The following HNF4A variants were observed in gnomAD, a reference collection of about 807,000 sequenced individuals.
The protein encoded by HNF4A is hepatocyte nuclear factor 4-alpha.
HNF4A carries 15 observed loss-of-function variants against 52.4 expected under a neutral mutation model. That is an observed-to-expected ratio of 0.29 (90% CI 0.19 to 0.44). The LOEUF (loss-of-function observed/expected upper bound fraction) is 0.44, where lower values mean the gene tolerates loss of function less well. Ranked by LOEUF, HNF4A falls within the 20% of genes least tolerant of loss-of-function variation. The probability of loss-of-function intolerance (pLI) is 1.00; values close to 1 mark genes in which losing one functional copy is unlikely to be tolerated. For synonymous variants in HNF4A, 280 were observed against 264.4 expected, an observed-to-expected ratio of 1.06 and a Z score of -0.57; for missense variants, 479 against 647.2, an observed-to-expected ratio of 0.74 and a Z score of 2.82.
chr20:44,394,478 C>T (rs913549498), intron 1 of HNF4A, among the ~76,000 whole-genome samples: 3 of 152,132 alleles, frequency 2.0e-5, no homozygotes, highest in Admixed American at 6.5e-5. Flanking sequence ...CTGGGAGCCT[C>T]GGAACCCAGC....
At chr20:44,383,758 TGG>T (rs951543061) in intron 1 of HNF4A, among the ~76,000 whole-genome samples, 1 of 152,048 alleles carries the variant, frequency 6.6e-6, no homozygotes, top group African/African-American at 2.4e-5. Context: ...ATCACCATGT[TGG>T]CTAGGGTGGT....
intron 1 of HNF4A, among the ~76,000 whole-genome samples, chr20:44,386,631 G>A (rs901565326): frequency 6.6e-6 from 1 of 152,172 alleles, no homozygotes; most frequent in Non-Finnish European, 1.5e-5. Context: ...AATGTCTGGA[G>A]ATAGTTTTGA....
At chr20:44,402,377 C>T (rs1040426423) in intron 1 of HNF4A, among the ~76,000 whole-genome samples, 1 of 152,090 alleles carries the variant, frequency 6.6e-6, no homozygotes, top group Non-Finnish European at 1.5e-5. Flanking sequence ...CCTGTATGGG[C>T]GTTTTGTCGT....
At chr20:44,379,936 G>A (rs1024430505) in intron 1 of HNF4A, among the ~76,000 whole-genome samples, 1 of 152,146 alleles carries the variant, frequency 6.6e-6, no homozygotes, top group Non-Finnish European at 1.5e-5. Flanking sequence ...GTTTCACCAT[G>A]CTGGCCAGGC....
chr20:44,356,338 G>T (rs1568683541), intron 1 of HNF4A, among the ~76,000 whole-genome samples: 1 of 152,158 alleles, frequency 6.6e-6, no homozygotes, highest in Admixed American at 6.5e-5. Context: ...AAAGCGCCGC[G>T]CAGGGTGGAG....
chr20:44,376,096 AAATTAGCCGGGCATGGT>A (rs1462125856), intron 1 of HNF4A, among the ~76,000 whole-genome samples: 6 of 151,716 alleles, frequency 4.0e-5, no homozygotes, highest in Admixed American at 2.0e-4. Flanking sequence ...AATACAAAAA[AAATTAGCCGGGCATGGT>A]AATTAGCCGG....
chr20:44,428,016 G>C (rs557726223), intron 8 of HNF4A, among the ~76,000 whole-genome samples: 1 of 152,220 alleles, frequency 6.6e-6, no homozygotes, highest in Non-Finnish European at 1.5e-5. Context: ...GAGAGCCATT[G>C]ATTACATCCA....
chr20:44,405,400 G>A (rs961900956), intron 1 of HNF4A, among the ~76,000 whole-genome samples: 4 of 152,290 alleles, frequency 2.6e-5, no homozygotes, highest in East Asian at 1.9e-4. Flanking sequence ...GTTTACAGGC[G>A]AGTTAGTGGC....
At chr20:44,414,475 CT>C (rs2063632547) in intron 4 of HNF4A, 31 bp from the exon 5 acceptor site, 6 of 1,614,170 alleles carry the variant, frequency 3.7e-6, no homozygotes, top group Non-Finnish European at 5.1e-6. Context: ...GCCCGGACAT[CT>C]CCAGCATTTT....
chr20:44,419,851 C>T lies in HNF4A; in HGVS notation c.867C>T (p.Leu289=), dbSNP rs1568737020. 1.9e-6 allele frequency: 3 copies of T among 1,614,148 alleles called. No homozygotes were observed. Among genetic ancestry groups the T allele is most frequent in the Non-Finnish European group, 2.5e-6 (3 of 1,180,024 alleles). Residue 289 remains leucine, a synonymous_variant, in exon 7 of 10, where the codon CTC becomes CTT. Coordinates refer to ENST00000316099, the MANE Select transcript of HNF4A (RefSeq NM_000457.6). ...TCGATGACAATGAGTATGCCTACCTCAAAGCCATCATCTTCTTTGACCCAG... is the reference window on the plus strand; with the variant it reads ...TCGATGACAATGAGTATGCCTACCTTAAAGCCATCATCTTCTTTGACCCAG...
chr20:44,429,643 T>G lies in HNF4A; in HGVS notation c.1403T>G (p.Ile468Ser). 2 of 1,613,764 alleles carry G rather than the reference T, an allele frequency of 1.2e-6. No homozygotes were observed. Among genetic ancestry groups the G allele is most frequent in the Non-Finnish European group, 1.7e-6 (2 of 1,179,974 alleles). Reference sequence around the variant, plus strand: ...CTCTCTGCCATCCCCCAGCCGACCATCACCAAGCAGGAAGTTATCTAGCAA... The same window carrying G: ...CTCTCTGCCATCCCCCAGCCGACCAGCACCAAGCAGGAAGTTATCTAGCAA... Residue 468 changes from isoleucine to serine, a missense_variant, in exon 10 of 10, where the codon ATC becomes AGC. This residue lies in a region of HNF4A where 389 missense variants were observed against 525.1 expected (regional missense o/e 0.74). Transcript: ENST00000316099.
intron 1 of HNF4A, among the ~76,000 whole-genome samples, chr20:44,389,177 T>C (rs1174241002): frequency 6.6e-6 from 1 of 152,230 alleles, no homozygotes; most frequent in Non-Finnish European, 1.5e-5. Context: ...GGCCACTAGC[T>C]CAGGGGATCG....
intron 1 of HNF4A, among the ~76,000 whole-genome samples, chr20:44,364,827 A>T (rs1025858683): frequency 2.3e-4 from 35 of 152,208 alleles, no homozygotes; most frequent in Non-Finnish European, 5.9e-5. Flanking sequence ...TAACAAGCAA[A>T]TGCAGACTTT....
intron 8 of HNF4A, among the ~76,000 whole-genome samples, chr20:44,426,813 A>C (rs913719899): frequency 9.2e-5 from 14 of 152,120 alleles, no homozygotes; most frequent in African/African-American, 3.4e-4. Context: ...TCTCAACAAC[A>C]ACAACAAAAG....
intron 3 of HNF4A, among the ~76,000 whole-genome samples, chr20:44,412,847 C>T (rs1241457821): frequency 6.6e-6 from 1 of 152,116 alleles, no homozygotes; most frequent in African/African-American, 2.4e-5. Context: ...CAGGGAAATG[C>T]CTACGGGTAG....
rs11086926 is a variant in HNF4A, at chr20:44,430,057, T to G, written c.*392T>G. 0.11 allele frequency: 22,378 copies of G among 206,482 alleles called. 1,906 individuals are homozygous for G. Among genetic ancestry groups the G allele is most frequent in the African/African-American group, 0.26 (11,061 of 42,840 alleles). The allele number at this position is 206,482 out of a possible 1,614,324, so 12.8% of individuals were successfully genotyped here. On this transcript the variant is annotated 3_prime_UTR_variant, in exon 10 of 10. Coordinates refer to ENST00000316099, the MANE Select transcript of HNF4A (RefSeq NM_000457.6). ...CTGGTGCTTCTCCTCTCCTAGCCCCTGTCATGGTGTCCAGACAGAGCCCTG... is the reference window on the plus strand; with the variant it reads ...CTGGTGCTTCTCCTCTCCTAGCCCCGGTCATGGTGTCCAGACAGAGCCCTG...
In HNF4A at chr20:44,429,608, C is replaced by T. The variant is rs199884828; in HGVS notation, c.1368C>T (p.Ile456=). The change falls in exon 10 of 10, where the codon ATC becomes ATT. Residue 456 remains isoleucine, a synonymous_variant. Coordinates refer to ENST00000316099, the MANE Select transcript of HNF4A (RefSeq NM_000457.6). The stretch of plus-strand genomic sequence containing the variant: ...TCCTGCCGGGAGCCGTCGCCACAAT[C>T]GTCAAGCCCCTCTCTGCCATCCCCC... 2.1e-5 allele frequency: 34 copies of T among 1,614,076 alleles called. No homozygotes were observed. Among genetic ancestry groups the T allele is most frequent in the Admixed American group, 2.0e-4 (12 of 60,010 alleles).
intron 7 of HNF4A, among the ~76,000 whole-genome samples, chr20:44,421,650 A>C (rs1291321146): frequency 6.6e-6 from 1 of 151,834 alleles, no homozygotes; most frequent in Admixed American, 6.6e-5. Context: ...GCTACTCAGG[A>C]GGCTGAGGCA....
chr20:44,422,931 G>A lies in HNF4A; in HGVS notation c.893-1087G>A, dbSNP rs144681400. 3.6e-3 allele frequency among the ~76,000 whole-genome samples: 545 copies of A among 151,988 alleles called. 3 individuals are homozygous for A. The highest frequency in any genetic ancestry group is 0.018 in the East Asian group (91 of 5,142). ...TGACCTCAAGTGATCCCCCCGCCTC[G>A]GCCTCTGACAGTGCTGGGCTTACAG... On this transcript the variant is annotated intron_variant, in intron 7 of 9. Transcript: ENST00000316099.
Sources: allele counts gnomAD v4.1 joint callset (sites outside exome capture counted in the v4.1 genomes callset), GRCh38; gene constraint gnomAD v4.1.1; regional missense constraint gnomAD v4.1.1; transcripts MANE v1.5; gene names NCBI Gene and HGNC (gene_info 2026-07-23, HGNC 2026-07-21).